Variants in SPAG9 observed in about 807,000 individuals in gnomAD.
SPAG9 encodes C-Jun-amino-terminal kinase-interacting protein 4.
A neutral mutation model predicts 166.5 loss-of-function variants in SPAG9; 35 were observed. The observed-to-expected ratio is 0.21, with a 90% CI of 0.16 to 0.28. The LOEUF is 0.28. SPAG9 is among the 10% of genes least tolerant of loss of function. The probability of loss-of-function intolerance (pLI) is 1.00; values close to 1 mark genes in which losing one functional copy is unlikely to be tolerated. For missense variants in SPAG9, 1,235 were observed against 1,603.3 expected, an observed-to-expected ratio of 0.77 and a Z score of 3.92; for synonymous variants, 534 against 565.5, an observed-to-expected ratio of 0.94 and a Z score of 0.79.
At chr17:51,089,967 G>A (rs1324722322) in intron 1 of SPAG9, among the ~76,000 whole-genome samples, 2 of 151,106 alleles carry the variant, frequency 1.3e-5, no homozygotes, top group East Asian at 4.0e-4. Context: ...GTGAGCCACC[G>A]TGCCCGGCCA....
intron 2 of SPAG9, among the ~76,000 whole-genome samples, chr17:51,077,017 G>GCTAGCTAGCTAT (rs2048003017): frequency 6.3e-5 from 3 of 47,586 alleles, no homozygotes; most frequent in Non-Finnish European, 1.1e-4. Context: ...TAGCTAGCTA[G>GCTAGCTAGCTAT]CTATCTAGCT....
chr17:51,045,997 G>A (rs900847868), intron 4 of SPAG9, among the ~76,000 whole-genome samples: 12 of 152,128 alleles, frequency 7.9e-5, no homozygotes, highest in African/African-American at 2.4e-4. Context: ...TTTGTTTTAG[G>A]AGGAAAATAT....
At chr17:51,012,579 A>C (rs1409779479) in intron 9 of SPAG9, among the ~76,000 whole-genome samples, 2 of 152,024 alleles carry the variant, frequency 1.3e-5, no homozygotes, top group Non-Finnish European at 2.9e-5. Flanking sequence ...CAAAAAAAAA[A>C]AAGAATTACA....
At position 50,970,822 on chromosome 17, in the gene SPAG9, G is replaced by A. The variant is rs779041124; in HGVS notation, c.3735C>T (p.Gly1245=). Residue 1245 remains glycine, a synonymous_variant, in exon 29 of 30, where the codon GGC becomes GGT. Coordinates refer to ENST00000262013, the MANE Select transcript of SPAG9 (RefSeq NM_001130528.3). ...CTGCTTTGTCACCCGTCAGATCCGT[G>A]CCACTACTGCTACTTTGTGGGCTGA... ...QVISPQSSSS[G]TDLTGDKAGP... is the part of the protein sequence containing the mutation. 3 of 1,613,904 alleles carry A rather than the reference G, an allele frequency of 1.9e-6. No individual in the cohort carries two copies. Among genetic ancestry groups the A allele is most frequent in the Non-Finnish European group, 8.5e-7 (1 of 1,179,964 alleles).
At chr17:51,005,820 C>T (rs1481243652) in intron 11 of SPAG9, among the ~76,000 whole-genome samples, 2 of 152,228 alleles carry the variant, frequency 1.3e-5, no homozygotes, top group Non-Finnish European at 2.9e-5. Flanking sequence ...CACTTCACTC[C>T]AGCCTGGGCA....
At chr17:51,064,903 T>A (rs1213469588) in intron 2 of SPAG9, among the ~76,000 whole-genome samples, 1 of 152,048 alleles carries the variant, frequency 6.6e-6, no homozygotes, top group African/African-American at 2.4e-5. Flanking sequence ...GGACAGATCA[T>A]CTGAGATCAG....
intron 20 of SPAG9, chr17:50,990,117 TCCCA>T: frequency 1.8e-6 from 1 of 544,758 alleles, no homozygotes; most frequent in South Asian, 2.1e-5. Flanking sequence ...AAGCTCCACC[TCCCA>T]GGTTCACGCC....
At chr17:50,993,265 G>A (rs1287374383) in intron 19 of SPAG9, among the ~76,000 whole-genome samples, 1 of 144,730 alleles carries the variant, frequency 6.9e-6, no homozygotes, top group Non-Finnish European at 1.5e-5. Context: ...GCAGTGAGCC[G>A]AGATCATGCC....
chr17:50,978,047 T>G (rs1974320127), intron 26 of SPAG9, among the ~76,000 whole-genome samples: 1 of 152,260 alleles, frequency 6.6e-6, no homozygotes, highest in African/African-American at 2.4e-5. Flanking sequence ...TTTAAACATT[T>G]TAAGTATTAT....
intron 6 of SPAG9, among the ~76,000 whole-genome samples, chr17:51,026,988 T>C (rs1393866435): frequency 1.3e-5 from 2 of 152,160 alleles, no homozygotes; most frequent in African/African-American, 2.4e-5. Context: ...GAAACCATTT[T>C]TGAAAGAGGT....
intron 1 of SPAG9, among the ~76,000 whole-genome samples, chr17:51,080,886 CAAAAAAA>C (rs200436430): frequency 4.4e-5 from 3 of 67,850 alleles, no homozygotes; most frequent in South Asian, 4.9e-4. Flanking sequence ...GACTCTATCT[CAAAAAAA>C]AAAAAAAAAA....
chr17:50,995,664 T>A, intron 16 of SPAG9, 131 bp from the exon 17 acceptor site: 2 of 631,264 alleles, frequency 3.2e-6, no homozygotes, highest in East Asian at 2.7e-5. Context: ...TTCAGGTTTT[T>A]TGTTTTTTTG....
intron 4 of SPAG9, chr17:51,046,824 T>C (rs1293647113): frequency 6.5e-7 from 1 of 1,533,230 alleles, no homozygotes; most frequent in Non-Finnish European, 8.7e-7. Flanking sequence ...AGCGATGACG[T>C]CATTCCGTTC....
chr17:51,034,356 A>G (rs1250224321), intron 5 of SPAG9, among the ~76,000 whole-genome samples: 1 of 152,220 alleles, frequency 6.6e-6, no homozygotes, highest in Non-Finnish European at 1.5e-5. Context: ...CTTCTCCCAA[A>G]AAATGTGCCA....
intron 29 of SPAG9, among the ~76,000 whole-genome samples, chr17:50,967,160 T>C (rs1359208991): frequency 6.6e-6 from 1 of 152,178 alleles, no homozygotes; most frequent in African/African-American, 2.4e-5. Context: ...GGGCATACCA[T>C]AATTCTCGAT....
intron 2 of SPAG9, among the ~76,000 whole-genome samples, chr17:51,057,871 AAAT>A (rs1483029584): frequency 2.8e-4 from 42 of 152,234 alleles, no homozygotes; most frequent in African/African-American, 1.0e-3. Flanking sequence ...TGTTGTGATA[AAAT>A]AATAGATGCT....
intron 1 of SPAG9, among the ~76,000 whole-genome samples, chr17:51,116,491 G>A (rs1598210819): frequency 2.0e-5 from 3 of 152,218 alleles, no homozygotes; most frequent in African/African-American, 7.2e-5. Flanking sequence ...CTGGGGCACA[G>A]TGGCTCACCC....
At chr17:51,099,054 A>C (rs1348204934) in intron 1 of SPAG9, among the ~76,000 whole-genome samples, 4 of 147,462 alleles carry the variant, frequency 2.7e-5, no homozygotes, top group Non-Finnish European at 3.0e-5. Flanking sequence ...GAGCTGAGAT[A>C]GTGCCACTGC....
intron 5 of SPAG9, among the ~76,000 whole-genome samples, chr17:51,036,536 A>C (rs1598052839): frequency 6.7e-6 from 1 of 150,300 alleles, no homozygotes; most frequent in African/African-American, 2.5e-5. Flanking sequence ...TTTCTTCTCC[A>C]CTCCAGCCCC....
Sources: gnomAD v4.1 joint callset for allele counts (sites outside exome capture counted in the v4.1 genomes callset) on GRCh38, gnomAD v4.1.1 for gene constraint, MANE v1.5 for transcripts, NCBI Gene and HGNC (gene_info 2026-07-23, HGNC 2026-07-21) for gene names.